The following EPHA10 variants were observed in gnomAD, a reference collection of about 807,000 sequenced individuals.
The protein encoded by EPHA10 is ephrin type-A receptor 10.
A neutral mutation model predicts 109.7 loss-of-function variants in EPHA10; 120 were observed. The observed-to-expected ratio is 1.09, with a 90% CI of 0.94 to 1.27. The LOEUF is 1.27. EPHA10 is among the 50% of genes most tolerant of loss of function. EPHA10 has a pLI of 0.00. For synonymous variants in EPHA10, 640 were observed against 618.9 expected, an observed-to-expected ratio of 1.03 and a Z score of -0.51; for missense variants, 1,396 against 1,411.1, an observed-to-expected ratio of 0.99 and a Z score of 0.17.
Position 37,754,273 on chromosome 1 carries a change from G to T in EPHA10, c.948C>A (p.Cys316Ter). 1 of 1,320,008 alleles carries T rather than the reference G, an allele frequency of 7.6e-7. No individual in the cohort carries two copies. The highest frequency in any genetic ancestry group is 9.7e-7 in the Non-Finnish European group (1 of 1,028,902). 81.8% of individuals were successfully genotyped at this position (1,320,008 alleles called of 1,614,324 possible). ...SRALENASTF[C>*]VCQDSYARSP... ...AGCGCGCATAGCTGTCCTGGCACAC[G>T]CAGAAGGTGGAGGCGTTTTCCAGGG... Residue 316 changes from cysteine to a stop codon, truncating the protein, a stop_gained, in exon 4 of 17, where the codon TGC becomes TGA. Transcript: ENST00000373048. LOFTEE classifies it high-confidence loss of function. The surrounding 1 kb of genome is among the most constrained non-coding windows in gnomAD (Gnocchi z 4.5).
chr1:37,754,517 G>T lies in EPHA10; in HGVS notation c.851-147C>A. 1.5e-6 allele frequency: 1 copy of T among 684,724 alleles called. No homozygotes were observed. The highest frequency in any genetic ancestry group is 2.1e-6 in the Non-Finnish European group (1 of 485,910). The allele number at this position is 684,724 out of a possible 1,614,324, so 42.4% of individuals were successfully genotyped here. A position where few individuals can be genotyped will look rare whatever the true frequency, so the allele number is the denominator to read the frequency against. On this transcript the variant is annotated intron_variant, in intron 3 of 16. Coordinates refer to ENST00000373048, the MANE Select transcript of EPHA10 (RefSeq NM_001099439.2). This position sits in a 1 kb window ranked among gnomAD's most constrained non-coding sequence, Gnocchi z 4.5. The stretch of plus-strand genomic sequence containing the variant: ...GCCACTCCAGTCAGCACTGCCCCGT[G>T]GAGTGACTCCTGAACAACCCATTAC...
intron 14 of EPHA10, 64 bp downstream of exon 14, chr1:37,719,845 C>G (rs1645758543): frequency 6.2e-7 from 1 of 1,612,240 alleles, no homozygotes; most frequent in Non-Finnish European, 8.5e-7. Flanking sequence ...GGGCAGAGGT[C>G]AGGAAGCTGG....
rs1569672887 is a variant in EPHA10 at position 37,731,419 on chromosome 1, A to G, written c.1655T>C (p.Leu552Pro). 1.2e-6 allele frequency: 2 copies of G among 1,606,632 alleles called. No homozygotes were observed. Among genetic ancestry groups the G allele is most frequent in the East Asian group, 4.5e-5 (2 of 44,752 alleles). ...SFNPSIEVQT[L>P]GEAASGSRDQ... ...TCACACACACTACTTACCCTCCCCC[A>G]GGGTCTGTACTTCAATGCTGGGGTT... The change falls in exon 7 of 17, where the codon CTG becomes CCG. Residue 552 changes from leucine (L) to proline (P), a missense_variant. Coordinates refer to ENST00000373048, the MANE Select transcript of EPHA10 (RefSeq NM_001099439.2).
chr1:37,722,902 G>A (rs72659469), intron 10 of EPHA10, 139 bp downstream of exon 10: 28,208 of 1,308,016 alleles, frequency 0.022, 378 homozygotes, highest in Middle Eastern at 0.056. Flanking sequence ...GCTTGGTGTG[G>A]AGGCAGGGCT....
chr1:37,744,461 AG>A (rs937821580), intron 5 of EPHA10, among the ~76,000 whole-genome samples: 4 of 152,016 alleles, frequency 2.6e-5, no homozygotes, highest in African/African-American at 4.8e-5. Context: ...CACAGGTTGC[AG>A]TGAGCAGAGA....
At chr1:37,731,873 G>T (rs2086798) in intron 6 of EPHA10, among the ~76,000 whole-genome samples, 1 of 152,162 alleles carries the variant, frequency 6.6e-6, no homozygotes, top group Non-Finnish European at 1.5e-5. Flanking sequence ...CCTTCCGGGG[G>T]ATGATAGGAT....
At chr1:37,759,462 T>C (rs55676834) in intron 3 of EPHA10, among the ~76,000 whole-genome samples, 33,789 of 152,162 alleles carry the variant, frequency 0.22, 4,400 homozygotes, top group Non-Finnish European at 0.28. Context: ...TTCTCCATGC[T>C]TAGAATTAGG....
chr1:37,761,252 A>G (rs920955305), intron 3 of EPHA10, 153 bp downstream of exon 3: 18 of 1,504,248 alleles, frequency 1.2e-5, no homozygotes, highest in Non-Finnish European at 1.5e-5. Flanking sequence ...TGGAAACTCC[A>G]CAAGACTTCA....
rs757787089 is a variant in EPHA10, at chr1:37,761,842, C to T, written c.413G>A (p.Gly138Asp). 53 of 1,613,056 alleles carry T rather than the reference C, an allele frequency of 3.3e-5. No individual in the cohort carries two copies. Among genetic ancestry groups the T allele is most frequent in the Non-Finnish European group, 4.0e-5 (47 of 1,179,444 alleles). Residue 138 changes from glycine to aspartate, a missense_variant, in exon 3 of 17, where the codon GGC becomes GAC. Gly to Asp is a moderately conservative substitution (Grantham distance 94). Coordinates refer to ENST00000373048, the MANE Select transcript of EPHA10 (RefSeq NM_001099439.2). ...VYYLETEADLGRGRPRLGGSR... is the reference protein window; with the variant it reads ...VYYLETEADLDRGRPRLGGSR... Reference sequence around the variant, plus strand: ...GCCGCCTAGGCGGGGACGCCCACGGCCCAGGTCGGCCTCAGTTTCCAGGTA... The same window carrying T: ...GCCGCCTAGGCGGGGACGCCCACGGTCCAGGTCGGCCTCAGTTTCCAGGTA...
chr1:37,721,635 G>A, intron 11 of EPHA10, 25 bp downstream of exon 11: 2 of 1,584,386 alleles, frequency 1.3e-6, no homozygotes, highest in Non-Finnish European at 1.7e-6. Flanking sequence ...GGGCTGGGCA[G>A]CAGGAAGGGA....
intron 5 of EPHA10, among the ~76,000 whole-genome samples, chr1:37,748,015 T>A (rs553465): frequency 2.0e-5 from 3 of 151,934 alleles, no homozygotes; most frequent in African/African-American, 4.8e-5. Context: ...AAATATTTTC[T>A]AGGAAAGCAC....
In EPHA10 at chr1:37,764,148, G is replaced by T. The variant is rs910444896; in HGVS notation, c.106+813C>A. ...TTAAACCAGGGGGTGGGCCACCAAG[G>T]TGAGGGCCTCTCCAGAGGCGTCAGC... On this transcript the variant is annotated intron_variant, in intron 1 of 16. Coordinates refer to ENST00000373048, the MANE Select transcript of EPHA10 (RefSeq NM_001099439.2). The surrounding 1 kb of genome is among the most constrained non-coding windows in gnomAD (Gnocchi z 5.8). 3.9e-5 allele frequency among the ~76,000 whole-genome samples: 6 copies of T among 152,200 alleles called. No homozygotes were observed. The highest frequency in any genetic ancestry group is 8.8e-5 in the Non-Finnish European group (6 of 68,032).
intron 6 of EPHA10, chr1:37,734,641 A>G: frequency 2.2e-6 from 1 of 456,152 alleles, no homozygotes; most frequent in Non-Finnish European, 4.4e-6. Context: ...CTGCAACCAC[A>G]GATTGACAAT....
chr1:37,745,355 G>A (rs1646213687), intron 5 of EPHA10, among the ~76,000 whole-genome samples: 1 of 152,180 alleles, frequency 6.6e-6, no homozygotes, highest in Non-Finnish European at 1.5e-5. Context: ...CTGCTAGGAT[G>A]GCTACTGTTT....
At chr1:37,743,303 G>C (rs1226077761) in intron 5 of EPHA10, among the ~76,000 whole-genome samples, 1 of 152,020 alleles carries the variant, frequency 6.6e-6, no homozygotes, top group Non-Finnish European at 1.5e-5. Flanking sequence ...ACTTTAAGAA[G>C]AAAGAAAACA....
At chr1:37,721,072 A>G (rs1312818109) in intron 11 of EPHA10, among the ~76,000 whole-genome samples, 5 of 152,064 alleles carry the variant, frequency 3.3e-5, no homozygotes, top group African/African-American at 1.2e-4. Context: ...CAAGCTTGCT[A>G]AGAAAGATCA....
chr1:37,762,036 C>A lies in EPHA10; in HGVS notation c.219G>T (p.Thr73=), dbSNP rs149376476. The A allele has an allele frequency of 9.5e-4, 1,526 of 1,611,106 alleles. 13 individuals are homozygous for A. Among genetic ancestry groups the A allele is most frequent in the Middle Eastern group, 9.1e-3 (55 of 6,050 alleles). Residue 73 remains threonine (T), a synonymous_variant, in exon 3 of 17, where the codon ACG becomes ACT. Coordinates refer to ENST00000373048, the MANE Select transcript of EPHA10 (RefSeq NM_001099439.2). ...GVDEHDRPIR[T]YQVCNVLEPN... is the part of the protein sequence containing the mutation. ...GCTCCAGCACATTGCACACTTGGTACGTGCGGATGGGACGGTCGTGTTCAT... is the reference window on the plus strand; with the variant it reads ...GCTCCAGCACATTGCACACTTGGTAAGTGCGGATGGGACGGTCGTGTTCAT...
intron 6 of EPHA10, among the ~76,000 whole-genome samples, chr1:37,733,135 C>T (rs1001488945): frequency 6.6e-6 from 1 of 151,546 alleles, no homozygotes; most frequent in African/African-American, 2.4e-5. Context: ...TCAGGTGATC[C>T]ACCTGCCTTG....
chr1:37,749,501 T>C (rs962069571), intron 5 of EPHA10, among the ~76,000 whole-genome samples: 3 of 151,624 alleles, frequency 2.0e-5, no homozygotes, highest in African/African-American at 7.3e-5. Context: ...GGCGAAACCC[T>C]GTCTCTACTA....
Sources: gnomAD v4.1 joint callset for allele counts (sites outside exome capture counted in the v4.1 genomes callset) on GRCh38, gnomAD v4.1.1 for gene constraint, Gnocchi (gnomAD v3.1) non-coding constraint, MANE v1.5 for transcripts, NCBI Gene and HGNC (gene_info 2026-07-23, HGNC 2026-07-21) for gene names.